The following C8orf34 variants were observed in gnomAD, a reference collection of about 807,000 sequenced individuals.
C8orf34 encodes the protein uncharacterized protein C8orf34.
A neutral mutation model predicts 68.3 loss-of-function variants in C8orf34; 65 were observed. The observed-to-expected ratio is 0.95, with a 90% CI of 0.78 to 1.17. The LOEUF (loss-of-function observed/expected upper bound fraction) is 1.17, where lower values mean the gene tolerates loss of function less well. Among genes scored for constraint, C8orf34 ranks in the 50% most tolerant of loss-of-function variants. The pLI is 0.00. For missense variants in C8orf34, 664 were observed against 655.4 expected (o/e 1.01, Z -0.14); for synonymous variants, 244 against 241.2 (o/e 1.01, Z -0.11).
At chr8:68,816,133 T>TGTGTGTGTGTGTGTG in intron 13 of C8orf34, among the ~76,000 whole-genome samples, 188 bp downstream of exon 13, 1 of 133,312 alleles carries the variant, frequency 7.5e-6, no homozygotes, top group African/African-American at 3.1e-5. Flanking sequence ...TGTGTGTGTG[T>TGTGTGTGTGTGTGTG]TTCTCTGTGT....
At chr8:68,347,935 T>A (rs1412432701) in intron 1 of C8orf34, among the ~76,000 whole-genome samples, 3 of 152,164 alleles carry the variant, frequency 2.0e-5, no homozygotes, top group Non-Finnish European at 4.4e-5. Context: ...GTGGATATTT[T>A]CTTTTGCTGT....
chr8:68,685,436 A>G (rs1337798164), intron 8 of C8orf34, among the ~76,000 whole-genome samples: 1 of 152,162 alleles, frequency 6.6e-6, no homozygotes, highest in Non-Finnish European at 1.5e-5. Flanking sequence ...ATGCTAAAAC[A>G]TAATCAATTC....
Position 68,402,917 on chromosome 8 carries a change from C to T in C8orf34, c.328-36582C>T, listed in dbSNP as rs1809020275. Among the ~76,000 whole-genome samples, 4 of 152,120 alleles carry T rather than the reference C, an allele frequency of 2.6e-5. No individual in the cohort carries two copies. The South Asian group carries it at 8.3e-4, about 32-fold the overall frequency. On this transcript the variant is annotated intron_variant, in intron 1 of 13. Transcript: ENST00000518698. ...CAATGAATATGATTGCAAATAAAATCTTCATTACCACAGGTGCTGTGAGAG... is the reference window on the plus strand; with the variant it reads ...CAATGAATATGATTGCAAATAAAATTTTCATTACCACAGGTGCTGTGAGAG...
intron 12 of C8orf34, chr8:68,792,682 G>C (rs1824045174): frequency 1.4e-5 from 2 of 144,644 alleles, no homozygotes; most frequent in African/African-American, 5.1e-5. Context: ...ATATTTAAAA[G>C]ATTATCAAGA....
At chr8:68,567,720 G>A (rs550341068) in intron 7 of C8orf34, among the ~76,000 whole-genome samples, 11 of 125,162 alleles carry the variant, frequency 8.8e-5, no homozygotes, top group South Asian at 2.5e-4. Context: ...TCAGCCTCCC[G>A]AGTCTTTTGT....
At chr8:68,672,290 T>C (rs1015895375) in intron 8 of C8orf34, among the ~76,000 whole-genome samples, 1 of 152,108 alleles carries the variant, frequency 6.6e-6, no homozygotes, top group Non-Finnish European at 1.5e-5. Context: ...AAAGAACACC[T>C]TCATGAGAAC....
chr8:68,434,254 C>T (rs769488727), intron 1 of C8orf34, among the ~76,000 whole-genome samples: 1 of 152,086 alleles, frequency 6.6e-6, no homozygotes, highest in Non-Finnish European at 1.5e-5. Context: ...TTTTAAGTCC[C>T]GCATAGCATA....
At chr8:68,787,627 T>A (rs957611185) in intron 12 of C8orf34, 91 bp downstream of exon 12, 72 of 858,602 alleles carry the variant, frequency 8.4e-5, no homozygotes, top group Non-Finnish European at 1.1e-4. Flanking sequence ...ATAAACAACT[T>A]CTGTAAAAAA....
intron 7 of C8orf34, among the ~76,000 whole-genome samples, chr8:68,574,160 T>A (rs1364332270): frequency 1.3e-5 from 2 of 152,110 alleles, no homozygotes; most frequent in Admixed American, 6.6e-5. Flanking sequence ...CTCAATTTTT[T>A]AATAATATTA....
At chr8:68,544,588 G>A (rs889623018) in intron 7 of C8orf34, among the ~76,000 whole-genome samples, 4 of 152,090 alleles carry the variant, frequency 2.6e-5, no homozygotes, top group African/African-American at 9.7e-5. Context: ...ATATGCAACT[G>A]TTGTAATTAG....
chr8:68,683,854 C>T (rs1251016099), intron 8 of C8orf34, among the ~76,000 whole-genome samples: 3 of 152,020 alleles, frequency 2.0e-5, no homozygotes, highest in Non-Finnish European at 4.4e-5. Flanking sequence ...AGAGGCAGAC[C>T]GCATGTATAG....
chr8:68,764,544 A>T (rs571742268), intron 10 of C8orf34, among the ~76,000 whole-genome samples: 2 of 152,298 alleles, frequency 1.3e-5, no homozygotes, highest in African/African-American at 4.8e-5. Context: ...TCTTCCTCGA[A>T]CAAGTAGCAT....
chr8:68,776,622 C>A (rs2129528614), intron 11 of C8orf34, among the ~76,000 whole-genome samples, 173 bp downstream of exon 11: 1 of 152,244 alleles, frequency 6.6e-6, no homozygotes, highest in South Asian at 2.1e-4. Flanking sequence ...AGGTTTTGGT[C>A]CTCATTGGGA....
intron 8 of C8orf34, among the ~76,000 whole-genome samples, chr8:68,689,452 GCCAGCA>G (rs1820623693): frequency 6.6e-6 from 1 of 152,010 alleles, no homozygotes; most frequent in African/African-American, 2.4e-5. Flanking sequence ...AAGTAGCAGA[GCCAGCA>G]TTTAACCCAG....
At chr8:68,346,341 A>C (rs985505759) in intron 1 of C8orf34, among the ~76,000 whole-genome samples, 13 of 151,164 alleles carry the variant, frequency 8.6e-5, no homozygotes, top group African/African-American at 2.7e-4. Flanking sequence ...AAGCTACAGA[A>C]GTGTCTCATA....
At chr8:68,766,012 T>G (rs1401583232) in intron 10 of C8orf34, among the ~76,000 whole-genome samples, 3 of 152,100 alleles carry the variant, frequency 2.0e-5, no homozygotes, top group Non-Finnish European at 4.4e-5. Flanking sequence ...TTTTGGTTGT[T>G]GAATGAAAAA....
rs952083185 is a variant in C8orf34, at chr8:68,499,930, T to C, written c.765+11879T>C. Among the ~76,000 whole-genome samples, 5 of 152,206 alleles carry C rather than the reference T, an allele frequency of 3.3e-5. No individual in the cohort carries two copies. The East Asian group carries it at 9.6e-4, about 29-fold the overall frequency. On this transcript the variant is annotated intron_variant, in intron 5 of 13. Transcript: ENST00000518698. ...ATCCCTCATGAATGGTTTAGCACCG[T>C]TCCCTTGATGATGTTAGTTCTTGTT...
Position 68,732,943 on chromosome 8 carries a change from A to G in C8orf34, c.1404+11506A>G, listed in dbSNP as rs1054984664. Among the ~76,000 whole-genome samples, 4 of 152,154 alleles carry G rather than the reference A, an allele frequency of 2.6e-5. No homozygotes were observed. In the South Asian group the frequency reaches 8.3e-4, roughly 31 times the overall value. On this transcript the variant is annotated intron_variant, in intron 10 of 13. Coordinates refer to ENST00000518698, the MANE Select transcript of C8orf34 (RefSeq NM_052958.4). ...GCTGGGCATGGTGGCAGGCACCTGT[A>G]ACCCCAGTTACTTGGGAGGCTGAGA... is the stretch of plus-strand genomic sequence containing the variant.
chr8:68,488,079 A>C, intron 5 of C8orf34, 28 bp downstream of exon 5: 1 of 1,512,044 alleles, frequency 6.6e-7, no homozygotes, highest in South Asian at 1.2e-5. Context: ...TCTGGTGAAA[A>C]GAAAATGTAG....
Sources: gnomAD v4.1 joint callset for allele counts (sites outside exome capture counted in the v4.1 genomes callset) on GRCh38, gnomAD v4.1.1 for gene constraint, MANE v1.5 for transcripts, NCBI Gene and HGNC (gene_info 2026-07-23, HGNC 2026-07-21) for gene names.